The following WDSUB1 variants were observed in gnomAD, a reference collection of about 807,000 sequenced individuals.
WDSUB1 encodes the protein WD repeat, sterile alpha motif and U-box domain containing 1.
In WDSUB1, 49 loss-of-function variants were observed where a neutral mutation model predicts 53.9. The ratio of observed to expected loss-of-function variants is 0.91; its 90% CI spans 0.72 to 1.15. WDSUB1 has a LOEUF of 1.15. WDSUB1 is among the 50% of genes most tolerant of loss of function. The pLI is 0.00. For synonymous variants in WDSUB1, 194 were observed against 200.6 expected (o/e 0.97, Z 0.28); for missense variants, 514 against 562.0 (o/e 0.91, Z 0.86).
chr2:159,284,937 T>C (rs1247501861), intron 1 of WDSUB1, among the ~76,000 whole-genome samples: 2 of 152,218 alleles, frequency 1.3e-5, no homozygotes, highest in East Asian at 1.9e-4. Context: ...ATTTGTCATT[T>C]AGATCTCAAT....
chr2:159,256,141 C>A (rs2061055981), intron 9 of WDSUB1, 55 bp downstream of exon 9: 6 of 1,514,802 alleles, frequency 4.0e-6, no homozygotes, highest in Non-Finnish European at 5.3e-6. Flanking sequence ...AATCCAACTG[C>A]AGAGTAATTT....
chr2:159,261,909 T>A (rs1468873874), intron 5 of WDSUB1, among the ~76,000 whole-genome samples: 17 of 50,880 alleles, frequency 3.3e-4, no homozygotes, highest in Non-Finnish European at 5.4e-4. Context: ...TTTTTTTTTT[T>A]TTTTTTTTTT....
chr2:159,276,552 C>G (rs1038393971), intron 3 of WDSUB1, among the ~76,000 whole-genome samples: 3 of 152,158 alleles, frequency 2.0e-5, no homozygotes, highest in African/African-American at 7.2e-5. Context: ...CCCAGAAGAG[C>G]TACTACATTA....
chr2:159,267,803 TCTA>T (rs2061374711), intron 5 of WDSUB1, among the ~76,000 whole-genome samples: 1 of 152,242 alleles, frequency 6.6e-6, no homozygotes, highest in Non-Finnish European at 1.5e-5. Context: ...CCTATTTTTA[TCTA>T]CTAAGTATGA....
chr2:159,281,356 A>C (rs1234337082), intron 2 of WDSUB1, among the ~76,000 whole-genome samples: 1 of 152,184 alleles, frequency 6.6e-6, no homozygotes, highest in East Asian at 1.9e-4. Context: ...CTCTGACCTC[A>C]GCCTCTGGAG....
intron 8 of WDSUB1, 30 bp downstream of exon 8, chr2:159,257,727 GA>G: frequency 6.3e-7 from 1 of 1,581,156 alleles, no homozygotes; most frequent in African/African-American, 1.3e-5. Context: ...GAGTGGGGTT[GA>G]AATGAGTGAA....
intron 9 of WDSUB1, among the ~76,000 whole-genome samples, chr2:159,253,337 C>T (rs1286122201): frequency 6.6e-6 from 1 of 152,064 alleles, no homozygotes; most frequent in Non-Finnish European, 1.5e-5. Flanking sequence ...TATTTCCTAA[C>T]TAAAGCTGTA....
chr2:159,245,906 A>ATTAT (rs769338033), intron 10 of WDSUB1, among the ~76,000 whole-genome samples: 12 of 150,992 alleles, frequency 7.9e-5, no homozygotes, highest in Non-Finnish European at 1.5e-4. Context: ...TGTCTCTATA[A>ATTAT]GAGACATCAT....
intron 9 of WDSUB1, among the ~76,000 whole-genome samples, chr2:159,252,388 T>G (rs2060970185): frequency 6.6e-6 from 1 of 151,922 alleles, no homozygotes; most frequent in Non-Finnish European, 1.5e-5. Context: ...ACAATATACG[T>G]GAGTGAGGAC....
intron 5 of WDSUB1, among the ~76,000 whole-genome samples, chr2:159,265,901 C>T (rs191185128): frequency 5.8e-4 from 88 of 152,284 alleles, no homozygotes; most frequent in Non-Finnish European, 1.1e-3. Context: ...GGACCTGTAA[C>T]GCCATCACAG....
intron 3 of WDSUB1, among the ~76,000 whole-genome samples, chr2:159,278,675 A>G (rs942881194): frequency 6.6e-6 from 1 of 152,232 alleles, no homozygotes; most frequent in Non-Finnish European, 1.5e-5. Context: ...AACCCTTGGA[A>G]AAATCTTAGA....
intron 6 of WDSUB1, among the ~76,000 whole-genome samples, chr2:159,258,946 T>C (rs1483593990): frequency 6.6e-6 from 1 of 152,220 alleles, no homozygotes; most frequent in Non-Finnish European, 1.5e-5. Context: ...TGATTACTTA[T>C]ATCTCCATTT....
At chr2:159,245,305 AC>A (rs1257466815) in intron 10 of WDSUB1, among the ~76,000 whole-genome samples, 2 of 152,016 alleles carry the variant, frequency 1.3e-5, no homozygotes, top group African/African-American at 4.8e-5. Context: ...AGGAGGACAG[AC>A]CCCCTGAGGC....
intron 9 of WDSUB1, among the ~76,000 whole-genome samples, chr2:159,255,190 A>G (rs777513111): frequency 2.6e-5 from 4 of 152,052 alleles, no homozygotes; most frequent in Non-Finnish European, 2.9e-5. Flanking sequence ...GTACTTGGCC[A>G]GGCACGGTGG....
At chr2:159,249,334 T>C (rs1397087254) in intron 9 of WDSUB1, among the ~76,000 whole-genome samples, 1 of 152,252 alleles carries the variant, frequency 6.6e-6, no homozygotes, top group African/African-American at 2.4e-5. Flanking sequence ...ATTCTTAACT[T>C]TAAAAGATTT....
In WDSUB1 at chr2:159,260,378, C is replaced by T. The variant is rs1236398842; in HGVS notation, c.771-535G>A. On this transcript the variant is annotated intron_variant, in intron 5 of 10. Transcript: ENST00000359774. ...TTAAAACAATAGTATATACTATTTA[C>T]GCTACATGACCATGAACAGAACAAG... Among the ~76,000 whole-genome samples the T allele has an allele frequency of 3.9e-5, 6 of 151,996 alleles. No homozygotes were observed. In the East Asian group the frequency reaches 5.8e-4, roughly 15 times the overall value.
chr2:159,257,631 A>C, intron 8 of WDSUB1, 127 bp downstream of exon 8: 1 of 719,454 alleles, frequency 1.4e-6, no homozygotes, highest in Non-Finnish European at 2.4e-6. Context: ...CAAGTGATAC[A>C]CCCACCTTGG....
At chr2:159,269,059 T>C (rs1354935180) in intron 5 of WDSUB1, among the ~76,000 whole-genome samples, 1 of 152,166 alleles carries the variant, frequency 6.6e-6, no homozygotes, top group East Asian at 1.9e-4. Context: ...TAATGTGCCT[T>C]TAATTGGAAT....
At chr2:159,280,369 A>C (rs2061629993) in intron 2 of WDSUB1, among the ~76,000 whole-genome samples, 1 of 152,194 alleles carries the variant, frequency 6.6e-6, no homozygotes, top group Non-Finnish European at 1.5e-5. Context: ...TATTGGAGTC[A>C]AAGGTACTTA....
Sources: allele counts gnomAD v4.1 joint callset (sites outside exome capture counted in the v4.1 genomes callset), GRCh38; gene constraint gnomAD v4.1.1; transcripts MANE v1.5; gene names NCBI Gene and HGNC (gene_info 2026-07-23, HGNC 2026-07-21).